NUCKS1: variants seen among roughly 807,000 people sequenced by gnomAD.
NUCKS1 encodes nuclear casein kinase and cyclin dependent kinase substrate 1.
A neutral mutation model predicts 33.0 loss-of-function variants in NUCKS1; 2 were observed. That is an observed-to-expected ratio of 0.06 (90% CI 0.02 to 0.19). NUCKS1 has a LOEUF of 0.19. Among genes scored for constraint, NUCKS1 ranks in the 10% least tolerant of loss-of-function variants. NUCKS1 has a pLI of 1.00. For synonymous variants in NUCKS1, 106 were observed against 102.8 expected (o/e 1.03, Z -0.19); for missense variants, 201 against 293.6 (o/e 0.68, Z 2.31).
intron 2 of NUCKS1, among the ~76,000 whole-genome samples, chr1:205,728,013 C>T (rs920516561): frequency 3.3e-5 from 5 of 152,082 alleles, no homozygotes; most frequent in Non-Finnish European, 7.4e-5. Context: ...CCCTCTAGTC[C>T]TTATGATATA....
chr1:205,743,068 CATGCAGACTGT>C (rs71152449), intron 1 of NUCKS1, among the ~76,000 whole-genome samples: 19,739 of 152,032 alleles, frequency 0.13, 2,107 homozygotes, highest in East Asian at 0.53. Context: ...CCCATTTGGC[CATGCAGACTGT>C]AAGTCATACA....
chr1:205,712,846 TTA>T lies in NUCKS1; in HGVS notation c.*5432_*5433del, dbSNP rs1289388770. ...CTGTGAGTATAAACATTATCTTTTA[TTA>T]TATATGATTGTTAAACTTTGCTTTC... On this transcript the variant is annotated 3_prime_UTR_variant, in exon 7 of 7. Coordinates refer to ENST00000367142, the MANE Select transcript of NUCKS1 (RefSeq NM_022731.5). 1 of 152,200 alleles carries T rather than the reference TTA, an allele frequency of 6.6e-6. No homozygotes were observed. The highest frequency in any genetic ancestry group is 2.4e-5 in the African/African-American group (1 of 41,454). The allele number at this position is 152,200 out of a possible 1,614,324, so 9.4% of individuals were successfully genotyped here.
intron 1 of NUCKS1, among the ~76,000 whole-genome samples, chr1:205,730,157 A>G (rs543368733): frequency 1.3e-5 from 2 of 152,120 alleles, no homozygotes; most frequent in East Asian, 3.9e-4. Flanking sequence ...GGGCCCAAGT[A>G]ATCCGCCTGC....
At chr1:205,739,916 AT>A (rs1474150848) in intron 1 of NUCKS1, among the ~76,000 whole-genome samples, 1 of 147,948 alleles carries the variant, frequency 6.8e-6, no homozygotes, top group Non-Finnish European at 1.5e-5. Context: ...CAGTAGCTTC[AT>A]TTATCTTGAC....
chr1:205,724,130 C>T, intron 3 of NUCKS1, 149 bp from the exon 4 acceptor site: 1 of 709,794 alleles, frequency 1.4e-6, no homozygotes, highest in Non-Finnish European at 2.6e-6. Flanking sequence ...ACTTTATTTC[C>T]TTATTTACAG....
At chr1:205,741,069 C>T (rs1328631558) in intron 1 of NUCKS1, among the ~76,000 whole-genome samples, 2 of 151,320 alleles carry the variant, frequency 1.3e-5, no homozygotes, top group African/African-American at 2.4e-5. Context: ...GAGGCCGAGG[C>T]GGGCGGATCA....
rs531744645 is a variant in NUCKS1, at chr1:205,719,172, A to C, written c.532+355T>G. ...TCTAGGTTTGTGCATTTTCACAATT[A>C]AGTCTTTGCTGGCTGCTGAGACTGT... On this transcript the variant is annotated intron_variant, in intron 6 of 6. Coordinates refer to ENST00000367142, the MANE Select transcript of NUCKS1 (RefSeq NM_022731.5). Among the ~76,000 whole-genome samples the C allele has an allele frequency of 2.0e-5, 3 of 152,322 alleles. No individual in the cohort carries two copies. The South Asian group carries it at 6.2e-4, about 32-fold the overall frequency.
chr1:205,749,660 G>A (rs1381843363), intron 1 of NUCKS1, among the ~76,000 whole-genome samples: 1 of 151,918 alleles, frequency 6.6e-6, no homozygotes, highest in African/African-American at 2.4e-5. Context: ...TCCCCCTCCG[G>A]CCGCTGGCGG....
rs1020684176 is a variant in NUCKS1, at chr1:205,718,212, T to A, written c.*68A>T. 84 of 1,512,084 alleles carry A rather than the reference T, an allele frequency of 5.6e-5. No individual in the cohort carries two copies. The highest frequency in any genetic ancestry group is 4.9e-5 in the Non-Finnish European group (56 of 1,140,378). 93.7% of individuals were successfully genotyped at this position (1,512,084 alleles called of 1,614,324 possible). On this transcript the variant is annotated 3_prime_UTR_variant, in exon 7 of 7. Transcript: ENST00000367142. ...TCTATCTTAAGTAGGTTCTTTTTTT[T>A]CCTCCCTCTTTTTTCTTTTTTTTTC...
In NUCKS1 at chr1:205,718,531, TAAAA is replaced by T. The variant is rs753664995; in HGVS notation, c.533-56_533-53del. ...AGGGAAGAGAAAAAAATGTCTTTAA[TAAAA>T]GTCAGCTACAAAATACAACAATCTG... On this transcript the variant is annotated intron_variant, in intron 6 of 6. Coordinates refer to ENST00000367142, the MANE Select transcript of NUCKS1 (RefSeq NM_022731.5). The T allele has an allele frequency of 5.4e-4, 853 of 1,592,254 alleles. 1 individual carries two copies. Among genetic ancestry groups the T allele is most frequent in the Non-Finnish European group, 6.4e-4 (751 of 1,172,748 alleles).
Position 205,750,070 on chromosome 1 carries a change from T to A in NUCKS1, c.-97A>T. 1 of 921,672 alleles carries A rather than the reference T, an allele frequency of 1.1e-6. No individual in the cohort carries two copies. Among genetic ancestry groups the A allele is most frequent in the Non-Finnish European group, 1.4e-6 (1 of 694,218 alleles). 57.1% of individuals were successfully genotyped at this position (921,672 alleles called of 1,614,324 possible). A position where few individuals can be genotyped will look rare whatever the true frequency, so the allele number is the denominator to read the frequency against. On this transcript the variant is annotated 5_prime_UTR_variant, in exon 1 of 7. Transcript: ENST00000367142. ...CCCACCCCCCCCGAACTTCAGCCGA[T>A]GGGACCGCTGCTGCCGAACCCCGAG... is the stretch of plus-strand genomic sequence containing the variant.
At position 205,718,237 on chromosome 1, in the gene NUCKS1, CTT is replaced by C. The variant is rs758227848; in HGVS notation, c.*41_*42del. On this transcript the variant is annotated 3_prime_UTR_variant, in exon 7 of 7. Coordinates refer to ENST00000367142, the MANE Select transcript of NUCKS1 (RefSeq NM_022731.5). ...TCCTCCCTCTTTTTTCTTTTTTTTT[CTT>C]TTTTTTTTTAATAAAATCTCTCCCC... 6 of 653,496 alleles carry C rather than the reference CTT, an allele frequency of 9.2e-6. No individual in the cohort carries two copies. Among genetic ancestry groups the C allele is most frequent in the South Asian group, 2.5e-5 (1 of 39,948 alleles). The allele number at this position is 653,496 out of a possible 1,614,324, so 40.5% of individuals were successfully genotyped here. A position where few individuals can be genotyped will look rare whatever the true frequency, so the allele number is the denominator to read the frequency against.
intron 2 of NUCKS1, among the ~76,000 whole-genome samples, chr1:205,729,236 TG>T (rs1270482596): frequency 9.2e-5 from 14 of 152,166 alleles, no homozygotes; most frequent in Non-Finnish European, 1.0e-4. Context: ...CCCAAAGTGC[TG>T]GGATTACAGG....
intron 4 of NUCKS1, 81 bp downstream of exon 4, chr1:205,723,845 C>A (rs947614887): frequency 6.0e-6 from 6 of 992,800 alleles, no homozygotes; most frequent in Non-Finnish European, 9.2e-6. Context: ...CAGTGCCTGG[C>A]ATAGAAATCA....
rs1433332793 is a variant in NUCKS1, at chr1:205,717,725, T to A, written c.*555A>T. Reference sequence around the variant, plus strand: ...CTGCCTCATCGGTGGAAGTTTAAAGTCATGATTTTTTTTAGACATTGATAC... The same window carrying A: ...CTGCCTCATCGGTGGAAGTTTAAAGACATGATTTTTTTTAGACATTGATAC... On this transcript the variant is annotated 3_prime_UTR_variant, in exon 7 of 7. Transcript: ENST00000367142. The A allele has an allele frequency of 1.0e-6, 1 of 985,310 alleles. No individual in the cohort carries two copies. Among genetic ancestry groups the A allele is most frequent in the Non-Finnish European group, 1.2e-6 (1 of 829,884 alleles). The allele number at this position is 985,310 out of a possible 1,614,324, so 61.0% of individuals were successfully genotyped here. A position where few individuals can be genotyped will look rare whatever the true frequency, so the allele number is the denominator to read the frequency against.
At position 205,732,779 on chromosome 1, in the gene NUCKS1, C is replaced by CAAAAAAAAAAAAAAAAA. The variant is rs59760552; in HGVS notation, c.18-3159_18-3158insTTTTTTTTTTTTTTTTT. ...CTGGCAACAGAGCAAGACTCTGTCT[C>CAAAAAAAAAAAAAAAAA]AAAAAAAAAAAAAAAAGTTAAGATG... is the stretch of plus-strand genomic sequence containing the variant. On this transcript the variant is annotated intron_variant, in intron 1 of 6. Coordinates refer to ENST00000367142, the MANE Select transcript of NUCKS1 (RefSeq NM_022731.5). Among the ~76,000 whole-genome samples, 68 of 73,976 alleles carry CAAAAAAAAAAAAAAAAA rather than the reference C, an allele frequency of 9.2e-4. 4 individuals are homozygous for CAAAAAAAAAAAAAAAAA. Among genetic ancestry groups the CAAAAAAAAAAAAAAAAA allele is most frequent in the African/African-American group, 3.3e-3 (61 of 18,264 alleles). 48.5% of individuals were successfully genotyped at this position (73,976 alleles called of 152,430 possible). A position where few individuals can be genotyped will look rare whatever the true frequency, so the allele number is the denominator to read the frequency against.
In NUCKS1 at chr1:205,716,725, C is replaced by T. The variant is rs1022702661; in HGVS notation, c.*1555G>A. ...AGAAGTTTAAATTTCACTAATTTTT[C>T]AATTTATTAGCATACCAGGACCCTT... On this transcript the variant is annotated 3_prime_UTR_variant, in exon 7 of 7. Coordinates refer to ENST00000367142, the MANE Select transcript of NUCKS1 (RefSeq NM_022731.5). 1 of 152,126 alleles carries T rather than the reference C, an allele frequency of 6.6e-6. No individual in the cohort carries two copies. Among genetic ancestry groups the T allele is most frequent in the Admixed American group, 6.6e-5 (1 of 15,264 alleles). The allele number at this position is 152,126 out of a possible 1,614,324, so 9.4% of individuals were successfully genotyped here.
At chr1:205,739,157 A>C (rs1261477870) in intron 1 of NUCKS1, among the ~76,000 whole-genome samples, 1 of 152,234 alleles carries the variant, frequency 6.6e-6, no homozygotes, top group African/African-American at 2.4e-5. Flanking sequence ...CAAAAGGCCA[A>C]GTAACTTTAT....
Position 205,715,242 on chromosome 1 carries a change from T to C in NUCKS1, c.*3038A>G, listed in dbSNP as rs749187630. 7.2e-5 allele frequency: 11 copies of C among 152,204 alleles called. No individual in the cohort carries two copies. Among genetic ancestry groups the C allele is most frequent in the South Asian group, 2.1e-4 (1 of 4,834 alleles). The allele number at this position is 152,204 out of a possible 1,614,324, so 9.4% of individuals were successfully genotyped here. A position where few individuals can be genotyped will look rare whatever the true frequency, so the allele number is the denominator to read the frequency against. On this transcript the variant is annotated 3_prime_UTR_variant, in exon 7 of 7. Transcript: ENST00000367142. ...ACCAAATTAAGTATTAAAATGAGGA[T>C]TGAACTGGGGCAAACAGGTTATTGT...
Sources: gnomAD v4.1 joint callset for allele counts (sites outside exome capture counted in the v4.1 genomes callset) on GRCh38, gnomAD v4.1.1 for gene constraint, MANE v1.5 for transcripts, NCBI Gene and HGNC (gene_info 2026-07-23, HGNC 2026-07-21) for gene names.